Variants in PRR12 observed in about 807,000 individuals in gnomAD.
The protein encoded by PRR12 is proline rich 12.
Under a neutral mutation model 138.0 loss-of-function variants are expected in PRR12, and 12 were observed. That is an observed-to-expected ratio of 0.09 (90% CI 0.06 to 0.14). PRR12 has a LOEUF of 0.14. Among genes scored for constraint, PRR12 ranks in the 10% least tolerant of loss-of-function variants. The pLI, the probability that PRR12 is intolerant of heterozygous loss-of-function variation, is 1.00. For synonymous variants in PRR12, 1,567 were observed against 1,291.7 expected (o/e 1.21, Z -4.57); for missense variants, 2,692 against 2,861.3 (o/e 0.94, Z 1.35).
In PRR12 at chr19:49,614,402, A is replaced by T; in HGVS notation, c.4774-131A>T. On this transcript the variant is annotated intron_variant, in intron 6 of 13. Coordinates refer to ENST00000418929, the MANE Select transcript of PRR12 (RefSeq NM_020719.3). The surrounding 1 kb of genome is among the most constrained non-coding windows in gnomAD (Gnocchi z 5.0). ...GCTGAACACATCATGGGGGTAGAAG[A>T]TATTTGTTGTTGACGTGTCTGCCTT... 1.6e-6 allele frequency: 1 copy of T among 623,812 alleles called. No individual in the cohort carries two copies. The highest frequency in any genetic ancestry group is 2.0e-5 in the South Asian group (1 of 49,944). The allele number at this position is 623,812 out of a possible 1,614,324, so 38.6% of individuals were successfully genotyped here.
At position 49,594,425 on chromosome 19, in the gene PRR12, G is replaced by A. The variant is rs764084288; in HGVS notation, c.200-29G>A. ...GACTGTATCCTACCCACCCCCACCTGGCTGACTATAACCCCTGTCCCCGGC... is the reference window on the plus strand; with the variant it reads ...GACTGTATCCTACCCACCCCCACCTAGCTGACTATAACCCCTGTCCCCGGC... On this transcript the variant is annotated intron_variant, in intron 2 of 13. Transcript: ENST00000418929. This position sits in a 1 kb window ranked among gnomAD's most constrained non-coding sequence, Gnocchi z 5.6. 1.1e-5 allele frequency: 17 copies of A among 1,522,978 alleles called. No homozygotes were observed. Among genetic ancestry groups the A allele is most frequent in the Non-Finnish European group, 1.5e-5 (17 of 1,134,656 alleles). The allele number at this position is 1,522,978 out of a possible 1,614,324, so 94.3% of individuals were successfully genotyped here.
Position 49,601,632 on chromosome 19 carries a change from C to A in PRR12, c.4487C>A (p.Pro1496Gln), listed in dbSNP as rs974476482. 7.2e-6 allele frequency: 11 copies of A among 1,538,158 alleles called. No individual in the cohort carries two copies. The highest frequency in any genetic ancestry group is 9.6e-6 in the Non-Finnish European group (11 of 1,144,612). Reference protein sequence around the residue: ...PPLVAPTPSSPPPPPLPPPPP... With the variant: ...PPLVAPTPSSQPPPPLPPPPP... ...CTGGTGGCCCCCACGCCCAGCTCAC[C>A]ACCGCCACCGCCGCTGCCGCCGCCA... Residue 1496 changes from proline to glutamine, a missense_variant, in exon 6 of 14, where the codon CCA becomes CAA. Pro to Gln is a moderately conservative substitution (Grantham distance 76). Around this residue, in one of 11 missense-constraint regions of PRR12, gnomAD observed 231 missense variants for 200.8 expected, o/e 1.15. Transcript: ENST00000418929.
chr19:49,621,443 G>A, intron 10 of PRR12, 82 bp from the exon 11 acceptor site: 2 of 1,109,156 alleles, frequency 1.8e-6, no homozygotes, highest in South Asian at 1.3e-5. Context: ...GGGGATTTGG[G>A]GACCCAGACT....
rs1354341635 is a variant in PRR12 at position 49,597,157 on chromosome 19, A to T, written c.2822A>T (p.Asp941Val). 2 of 1,551,994 alleles carry T rather than the reference A, an allele frequency of 1.3e-6. No individual in the cohort carries two copies. Among genetic ancestry groups the T allele is most frequent in the Non-Finnish European group, 1.7e-6 (2 of 1,147,910 alleles). Residue 941 changes from aspartate (D) to valine (V), a missense_variant, in exon 4 of 14, where the codon GAC becomes GTC. Transcript: ENST00000418929. This position sits in a 1 kb window ranked among gnomAD's most constrained non-coding sequence, Gnocchi z 6.3. ...TGCTTCCCTGACTCCTTGCTCCAAG[A>T]CGAGGAGCGCAGCTTCTTCCCCACC... ...SICFPDSLLQ[D>V]EERSFFPTME...
intron 6 of PRR12, among the ~76,000 whole-genome samples, chr19:49,609,599 A>C (rs7259132): frequency 0.02 from 1,084 of 52,958 alleles, 8 homozygotes; most frequent in African/African-American, 0.15. Flanking sequence ...AGACTGTCTC[A>C]AAAAAAAAAA....
chr19:49,596,388 G>C lies in PRR12; in HGVS notation c.2053G>C (p.Gly685Arg), dbSNP rs938004614. 3 of 1,603,706 alleles carry C rather than the reference G, an allele frequency of 1.9e-6. No individual in the cohort carries two copies. The Admixed American group carries it at 5.0e-5, about 27-fold the overall frequency. The stretch of plus-strand genomic sequence containing the variant: ...GAGTGGCGGGGCCGGGGGACCACCG[G>C]GTACACCCTACGAGTTGGCCAAGGA... ...GGSGGAGGPP[G>R]TPYELAKEDP... The change falls in exon 4 of 14, where the codon GGT (glycine) becomes CGT (arginine). Residue 685 changes from glycine (G) to arginine (R), a missense_variant. Physicochemically the swap from Gly to Arg is moderately radical, Grantham distance 125. Around this residue, in one of 11 missense-constraint regions of PRR12, gnomAD observed 840 missense variants for 689.8 expected, o/e 1.22. Transcript: ENST00000418929. This position sits in a 1 kb window ranked among gnomAD's most constrained non-coding sequence, Gnocchi z 5.6.
In PRR12 at chr19:49,597,840, C is replaced by T. The variant is rs1435355373; in HGVS notation, c.3505C>T (p.Arg1169Trp). Residue 1169 changes from arginine to tryptophan, a missense_variant, in exon 4 of 14, where the codon CGG (arginine) becomes TGG (tryptophan). Transcript: ENST00000418929. The surrounding 1 kb of genome is among the most constrained non-coding windows in gnomAD (Gnocchi z 6.3). ...GAAGGCGAAACGTGATGGGCCACCCCGGCCACGGGGGAGGCCCCGGATCCG... is the reference window on the plus strand; with the variant it reads ...GAAGGCGAAACGTGATGGGCCACCCTGGCCACGGGGGAGGCCCCGGATCCG... ...PTKAKRDGPP[R>W]PRGRPRIRPL... 6.7e-7 allele frequency: 1 copy of T among 1,488,378 alleles called. No individual in the cohort carries two copies. The highest frequency in any genetic ancestry group is 8.9e-7 in the Non-Finnish European group (1 of 1,120,840). The allele number at this position is 1,488,378 out of a possible 1,614,324, so 92.2% of individuals were successfully genotyped here.
rs778737079 is a variant in PRR12 at position 49,596,893 on chromosome 19, A to G, written c.2558A>G (p.His853Arg). ...CCCATGCCCCTGCAGCTCGAGGCCC[A>G]CCTCCGCAGCCATGGCCTGGAGCCC... is the stretch of plus-strand genomic sequence containing the variant. ...PPPMPLQLEA[H>R]LRSHGLEPAA... The change falls in exon 4 of 14, where the codon CAC becomes CGC. Residue 853 changes from histidine (H) to arginine (R), a missense_variant. Physicochemically the swap from His to Arg is conservative, Grantham distance 29 (BLOSUM62 0). Coordinates refer to ENST00000418929, the MANE Select transcript of PRR12 (RefSeq NM_020719.3). The surrounding 1 kb of genome is among the most constrained non-coding windows in gnomAD (Gnocchi z 5.6). The G allele has an allele frequency of 4.6e-6, 6 of 1,314,554 alleles. No homozygotes were observed. The highest frequency in any genetic ancestry group is 5.9e-6 in the Non-Finnish European group (6 of 1,010,054). 81.4% of individuals were successfully genotyped at this position (1,314,554 alleles called of 1,614,324 possible).
rs1425702850 is a variant in PRR12 at position 49,597,338 on chromosome 19, C to T, written c.3003C>T (p.Ala1001=). ...ACTGTCCTGGCCGGGCGTCGGGAGC[C>T]GGGCCCGAGACACCGGGCCTGGGCC... ...GPYCPGRASG[A]GPETPGLGLD... Residue 1001 remains alanine (A), a synonymous_variant, in exon 4 of 14, where the codon GCC becomes GCT. Transcript: ENST00000418929. The surrounding 1 kb of genome is among the most constrained non-coding windows in gnomAD (Gnocchi z 6.3). 3.2e-6 allele frequency: 5 copies of T among 1,542,010 alleles called. No individual in the cohort carries two copies. The highest frequency in any genetic ancestry group is 1.7e-4 in the Middle Eastern group (1 of 6,022).
Position 49,614,635 on chromosome 19 carries a change from T to C in PRR12, c.4876T>C (p.Cys1626Arg). The change falls in exon 7 of 14, where the codon TGT becomes CGT. Residue 1626 changes from cysteine to arginine, a missense_variant. Cys to Arg is a radical substitution (Grantham distance 180). Transcript: ENST00000418929. This position sits in a 1 kb window ranked among gnomAD's most constrained non-coding sequence, Gnocchi z 5.0. ...GATCAAGGACGGCCAGAGGCAGTTT[T>C]GTGCCACCAGTAATGTAAGCCTGCA... ...PEIKDGQRQF[C>R]ATSNYLGYFG... 1 of 1,561,140 alleles carries C rather than the reference T, an allele frequency of 6.4e-7. No homozygotes were observed. The highest frequency in any genetic ancestry group is 8.7e-7 in the Non-Finnish European group (1 of 1,152,596).
chr19:49,625,048 G>A lies in PRR12; in HGVS notation c.5869-57G>A. 6.2e-7 allele frequency: 1 copy of A among 1,612,510 alleles called. No individual in the cohort carries two copies. Among genetic ancestry groups the A allele is most frequent in the Non-Finnish European group, 8.5e-7 (1 of 1,178,822 alleles). On this transcript the variant is annotated intron_variant, in intron 12 of 13. Transcript: ENST00000418929. This position sits in a 1 kb window ranked among gnomAD's most constrained non-coding sequence, Gnocchi z 5.5. Reference sequence around the variant, plus strand: ...GTGCTGGCGGTATGTGGGAAGGGAGGAGAGGGGCTGCCAAGTGCCGGGCTG... The same window carrying A: ...GTGCTGGCGGTATGTGGGAAGGGAGAAGAGGGGCTGCCAAGTGCCGGGCTG...
Position 49,624,806 on chromosome 19 carries a change from C to G in PRR12, c.5722-38C>G, listed in dbSNP as rs374374261. 9.9e-4 allele frequency: 1,589 copies of G among 1,599,598 alleles called. 3 individuals are homozygous for G. The highest frequency in any genetic ancestry group is 1.2e-3 in the Non-Finnish European group (1,442 of 1,173,316). On this transcript the variant is annotated intron_variant, in intron 11 of 13. Transcript: ENST00000418929. ...GCTGTTGGGTTTGGGGTTTATGGAT[C>G]CAGGGCAGCATCCAGCTGACCCATT... is the stretch of plus-strand genomic sequence containing the variant.
chr19:49,598,946 C>T (rs2080793700), intron 4 of PRR12, among the ~76,000 whole-genome samples: 1 of 152,144 alleles, frequency 6.6e-6, no homozygotes. Context: ...AGGCACGAGC[C>T]ACCTCACCCG....
rs1163282223 is a variant in PRR12 at position 49,597,110 on chromosome 19, T to C, written c.2775T>C (p.Arg925=). 6.4e-7 allele frequency: 1 copy of C among 1,550,710 alleles called. No individual in the cohort carries two copies. Among genetic ancestry groups the C allele is most frequent in the Non-Finnish European group, 8.7e-7 (1 of 1,147,320 alleles). ...GCCCGCAAGGCACCAAGGCGCCGCG[T>C]TTCGTGCCGCTCACCTCCATCTGCT... ...SPSPQGTKAP[R]FVPLTSICFP... is the part of the protein sequence containing the mutation. The change falls in exon 4 of 14, where the codon CGT becomes CGC. Residue 925 remains arginine, a synonymous_variant. Transcript: ENST00000418929. The surrounding 1 kb of genome is among the most constrained non-coding windows in gnomAD (Gnocchi z 6.3).
Position 49,595,915 on chromosome 19 carries a change from C to T in PRR12, c.1580C>T (p.Ala527Val), listed in dbSNP as rs761367593. 3.1e-6 allele frequency: 5 copies of T among 1,602,314 alleles called. No homozygotes were observed. The highest frequency in any genetic ancestry group is 1.3e-5 in the African/African-American group (1 of 74,904). ...PAAHSQGLPTASPSLSYSTGH... is the reference protein window; with the variant it reads ...PAAHSQGLPTVSPSLSYSTGH... ...GCCCACTCCCAGGGGCTGCCCACAG[C>T]CAGCCCCTCGCTCAGCTACAGTACC... Residue 527 changes from alanine (A) to valine (V), a missense_variant, in exon 4 of 14, where the codon GCC (alanine) becomes GTC (valine). Ala to Val is a moderately conservative substitution (Grantham distance 64). This residue lies in a region of PRR12 where 523 missense variants were observed against 496.4 expected (regional missense o/e 1.05). Coordinates refer to ENST00000418929, the MANE Select transcript of PRR12 (RefSeq NM_020719.3).
rs535455917 is a variant in PRR12, at chr19:49,623,957, G to A, written c.5722-887G>A. 6.6e-5 allele frequency among the ~76,000 whole-genome samples: 10 copies of A among 151,558 alleles called. No homozygotes were observed. The East Asian group carries it at 1.8e-3, about 27-fold the overall frequency. The stretch of plus-strand genomic sequence containing the variant: ...TGGTTAGGATGGGGCTGGGAATTCT[G>A]GGGTGGGTGGTTAGGATGGGGCCAG... On this transcript the variant is annotated intron_variant, in intron 11 of 13. Transcript: ENST00000418929.
Position 49,596,310 on chromosome 19 carries a change from G to A in PRR12, c.1975G>A (p.Asp659Asn). Residue 659 changes from aspartate (D) to asparagine (N), a missense_variant, in exon 4 of 14, where the codon GAC (aspartate) becomes AAC (asparagine). Physicochemically the swap from Asp to Asn is conservative, Grantham distance 23. Coordinates refer to ENST00000418929, the MANE Select transcript of PRR12 (RefSeq NM_020719.3). The surrounding 1 kb of genome is among the most constrained non-coding windows in gnomAD (Gnocchi z 5.6). ...CAGCCCTCCTCGGACCTCAGGGGCG[G>A]ACGGCTTGGTGGGCGAGGACGGGGC... Reference protein sequence around the residue: ...APSPPRTSGADGLVGEDGAAD... With the variant: ...APSPPRTSGANGLVGEDGAAD... 1 of 1,611,202 alleles carries A rather than the reference G, an allele frequency of 6.2e-7. No individual in the cohort carries two copies. The highest frequency in any genetic ancestry group is 8.5e-7 in the Non-Finnish European group (1 of 1,179,584).
At chr19:49,621,390 G>C in intron 10 of PRR12, 135 bp from the exon 11 acceptor site, 1 of 697,366 alleles carries the variant, frequency 1.4e-6, no homozygotes, top group South Asian at 1.7e-5. Context: ...TGGGTCCGAA[G>C]GAGGAGGGGG....
At chr19:49,611,343 C>G (rs920148473) in intron 6 of PRR12, among the ~76,000 whole-genome samples, 1 of 150,620 alleles carries the variant, frequency 6.6e-6, no homozygotes, top group African/African-American at 2.4e-5. Context: ...AAACAAAGAA[C>G]AAAACAAAAA....
Sources: gnomAD v4.1 joint callset for allele counts (sites outside exome capture counted in the v4.1 genomes callset) on GRCh38, gnomAD v4.1.1 for gene constraint, gnomAD v4.1.1 regional missense constraint, Gnocchi (gnomAD v3.1) non-coding constraint, MANE v1.5 for transcripts, NCBI Gene and HGNC (gene_info 2026-07-23, HGNC 2026-07-21) for gene names.